ERC2: variants seen among roughly 807,000 people sequenced by gnomAD.
The protein encoded by ERC2 is ELKS/RAB6-interacting/CAST family member 2, also known as ERC protein 2.
Under a neutral mutation model 114.8 loss-of-function variants are expected in ERC2, and 42 were observed. The observed-to-expected ratio is 0.37, with a 90% CI of 0.29 to 0.47. ERC2 has a LOEUF of 0.47. Among genes scored for constraint, ERC2 ranks in the 20% least tolerant of loss-of-function variants. The probability of loss-of-function intolerance (pLI) is 0.99; values close to 1 mark genes in which losing one functional copy is unlikely to be tolerated. For synonymous variants in ERC2, 454 were observed against 425.5 expected (o/e 1.07, Z -0.82); for missense variants, 939 against 1,150.7 (o/e 0.82, Z 2.66).
chr3:56,355,455 A>AC (rs1419263993), intron 2 of ERC2, among the ~76,000 whole-genome samples: 1 of 151,938 alleles, frequency 6.6e-6, no homozygotes, highest in African/African-American at 2.4e-5. Context: ...AGTAGCTGAG[A>AC]CCACAGGCAT....
At chr3:55,974,989 A>G (rs2069471166) in intron 12 of ERC2, among the ~76,000 whole-genome samples, 1 of 152,198 alleles carries the variant, frequency 6.6e-6, no homozygotes, top group Admixed American at 6.5e-5. Flanking sequence ...ACCAATTCAT[A>G]CTAGCACAAA....
chr3:55,964,629 G>A (rs1222585242), intron 12 of ERC2, among the ~76,000 whole-genome samples: 1 of 152,160 alleles, frequency 6.6e-6, no homozygotes, highest in Non-Finnish European at 1.5e-5. Flanking sequence ...AAACTTAGCA[G>A]CCTAAAACCA....
intron 1 of ERC2, among the ~76,000 whole-genome samples, chr3:56,442,689 A>G (rs2062374946): frequency 6.6e-6 from 1 of 152,230 alleles, no homozygotes; most frequent in African/African-American, 2.4e-5. Flanking sequence ...GGACTGTCCC[A>G]AAATTAAGTA....
intron 6 of ERC2, among the ~76,000 whole-genome samples, chr3:56,085,303 G>C (rs2077446259): frequency 6.6e-6 from 1 of 152,210 alleles, no homozygotes; most frequent in Non-Finnish European, 1.5e-5. Context: ...CCAGTGAGAA[G>C]GATGAAGCTG....
chr3:55,583,496 CT>C (rs2057402654), intron 17 of ERC2, among the ~76,000 whole-genome samples: 1 of 58,144 alleles, frequency 1.7e-5, no homozygotes, highest in Non-Finnish European at 3.4e-5. Context: ...TCCCTCTCTC[CT>C]TCCCTCCCTC....
At chr3:56,247,381 G>T (rs1238971518) in intron 3 of ERC2, among the ~76,000 whole-genome samples, 1 of 152,214 alleles carries the variant, frequency 6.6e-6, no homozygotes, top group South Asian at 2.1e-4. Flanking sequence ...AAAATGACCT[G>T]AAGTTCTCCT....
intron 13 of ERC2, among the ~76,000 whole-genome samples, chr3:55,892,873 G>T (rs1037782698): frequency 2.6e-5 from 4 of 152,072 alleles, no homozygotes; most frequent in Non-Finnish European, 5.9e-5. Context: ...TTCTCTTAGT[G>T]TTATGGTCTC....
rs771057613 is a variant in ERC2, at chr3:55,509,354, T to A, written c.*1962A>T. 3.3e-5 allele frequency: 5 copies of A among 152,596 alleles called. No individual in the cohort carries two copies. Among genetic ancestry groups the A allele is most frequent in the African/African-American group, 7.2e-5 (3 of 41,448 alleles). The allele number at this position is 152,596 out of a possible 1,614,324, so 9.5% of individuals were successfully genotyped here. On this transcript the variant is annotated 3_prime_UTR_variant, in exon 18 of 18. Coordinates refer to ENST00000288221, the MANE Select transcript of ERC2 (RefSeq NM_015576.3). ...TGTAGGAGGCAGTGAGAACCACTTC[T>A]TTGAGGACATCCAAACTGTTCACTG... is the stretch of plus-strand genomic sequence containing the variant.
chr3:55,848,472 A>G (rs1438833855), intron 14 of ERC2, among the ~76,000 whole-genome samples: 1 of 152,142 alleles, frequency 6.6e-6, no homozygotes, highest in African/African-American at 2.4e-5. Flanking sequence ...TTACACTTTT[A>G]AAAGCCTTCC....
chr3:56,116,126 C>T (rs2079220060), intron 6 of ERC2, among the ~76,000 whole-genome samples: 1 of 152,200 alleles, frequency 6.6e-6, no homozygotes, highest in African/African-American at 2.4e-5. Context: ...GCCCCTTCCT[C>T]TTGGAAGTGG....
chr3:56,029,194 T>G (rs1282634962), intron 7 of ERC2, among the ~76,000 whole-genome samples: 1 of 152,078 alleles, frequency 6.6e-6, no homozygotes, highest in Non-Finnish European at 1.5e-5. Flanking sequence ...TTAATTTGAT[T>G]TATGTAATAT....
At chr3:55,836,551 A>G (rs1221885155) in intron 14 of ERC2, among the ~76,000 whole-genome samples, 2 of 152,228 alleles carry the variant, frequency 1.3e-5, no homozygotes, top group Non-Finnish European at 2.9e-5. Context: ...GGCTAGCCAT[A>G]TGTAGAAAGC....
At chr3:56,136,132 G>T (rs571143869) in intron 6 of ERC2, among the ~76,000 whole-genome samples, 32 of 152,236 alleles carry the variant, frequency 2.1e-4, no homozygotes, top group South Asian at 8.3e-4. Context: ...CGCAAACCGA[G>T]ACAGCTTGCC....
At chr3:56,069,410 C>T (rs1405767096) in intron 7 of ERC2, among the ~76,000 whole-genome samples, 1 of 152,128 alleles carries the variant, frequency 6.6e-6, no homozygotes, top group African/African-American at 2.4e-5. Context: ...AAAACAACAT[C>T]CATTTATTAG....
chr3:55,728,253 T>C (rs1034597840), intron 15 of ERC2, among the ~76,000 whole-genome samples: 6 of 152,202 alleles, frequency 3.9e-5, no homozygotes, highest in Non-Finnish European at 2.9e-5. Flanking sequence ...TCAGTCCTTA[T>C]GGAGCTCAAA....
chr3:55,818,139 A>T (rs2059977284), intron 14 of ERC2, among the ~76,000 whole-genome samples: 3 of 152,176 alleles, frequency 2.0e-5, no homozygotes, highest in African/African-American at 7.2e-5. Flanking sequence ...GACCTTCCAG[A>T]GCTGTCCTGG....
chr3:55,654,171 C>A (rs2060762103), intron 17 of ERC2, among the ~76,000 whole-genome samples: 1 of 152,246 alleles, frequency 6.6e-6, no homozygotes, highest in Non-Finnish European at 1.5e-5. Context: ...GCTAAGTCAT[C>A]CTCCAAACTT....
At position 55,992,159 on chromosome 3, in the gene ERC2, T is replaced by G; in HGVS notation, c.2153A>C (p.Glu718Ala). ...LDKEASYYRD[E>A]CGKAQAEVDR... ...CACTTCCGCTTGGGCCTTGCCACAC[T>G]CGTCGCGGTAGTAAGACGCCTCTTT... The change falls in exon 11 of 18, where the codon GAG (glutamate) becomes GCG (alanine). Residue 718 changes from glutamate (E) to alanine (A), a missense_variant. Coordinates refer to ENST00000288221, the MANE Select transcript of ERC2 (RefSeq NM_015576.3). 6.2e-7 allele frequency: 1 copy of G among 1,613,884 alleles called. No individual in the cohort carries two copies. The highest frequency in any genetic ancestry group is 8.5e-7 in the Non-Finnish European group (1 of 1,179,832).
intron 5 of ERC2, among the ~76,000 whole-genome samples, chr3:56,141,058 T>G (rs1220780470): frequency 6.6e-6 from 1 of 151,944 alleles, no homozygotes; most frequent in African/African-American, 2.4e-5. Flanking sequence ...TCCAAAACAG[T>G]TCTGTTAATT....
Sources: gnomAD v4.1 joint callset for allele counts (sites outside exome capture counted in the v4.1 genomes callset) on GRCh38, gnomAD v4.1.1 for gene constraint, MANE v1.5 for transcripts, NCBI Gene and HGNC (gene_info 2026-07-23, HGNC 2026-07-21) for gene names.